Variants in UBE3B observed in about 807,000 individuals in gnomAD.
UBE3B encodes the protein ubiquitin-protein ligase E3B.
In UBE3B, 80 loss-of-function variants were observed where a neutral mutation model predicts 132.3. That is an observed-to-expected ratio of 0.60 (90% CI 0.50 to 0.73). UBE3B has a LOEUF of 0.73. Ranked by LOEUF, UBE3B falls within the 30% of genes least tolerant of loss-of-function variation. The probability of loss-of-function intolerance (pLI) is 0.00; values close to 1 mark genes in which losing one functional copy is unlikely to be tolerated. For synonymous variants in UBE3B, 487 were observed against 520.4 expected (o/e 0.94, Z 0.87); for missense variants, 1,196 against 1,362.5 (o/e 0.88, Z 1.92).
At chr12:109,516,099 G>T (rs939626369) in intron 18 of UBE3B, among the ~76,000 whole-genome samples, 1 of 150,498 alleles carries the variant, frequency 6.6e-6, no homozygotes, top group Non-Finnish European at 1.5e-5. Flanking sequence ...TCTGTAACTT[G>T]TTCTGCCACC....
chr12:109,509,851 A>G (rs1294678497), intron 16 of UBE3B, 137 bp downstream of exon 16: 2 of 606,118 alleles, frequency 3.3e-6, no homozygotes, highest in Non-Finnish European at 5.8e-6. Context: ...CACAATTGGA[A>G]ATTTTCTTTC....
downstream of UBE3B, among the ~76,000 whole-genome samples, chr12:109,541,086 C>CCT (rs750718180): frequency 2.4e-4 from 37 of 152,244 alleles, no homozygotes; most frequent in Non-Finnish European, 7.3e-5. Context: ...GGGCCTCTAG[C>CCT]CAAACCACTG....
At chr12:109,508,081 C>T (rs1196489819) in intron 15 of UBE3B, among the ~76,000 whole-genome samples, 1 of 150,914 alleles carries the variant, frequency 6.6e-6, no homozygotes, top group Non-Finnish European at 1.5e-5. Flanking sequence ...AGCCAGGGTG[C>T]AGATCCTTGC....
At chr12:109,489,025 A>G (rs928580530) in intron 7 of UBE3B, among the ~76,000 whole-genome samples, 4 of 152,178 alleles carry the variant, frequency 2.6e-5, no homozygotes, top group Non-Finnish European at 5.9e-5. Context: ...TTGCCCATAA[A>G]ATTTGCATTA....
chr12:109,530,484 G>A (rs770075084), intron 25 of UBE3B, 63 bp from the exon 26 acceptor site: 2 of 1,429,924 alleles, frequency 1.4e-6, no homozygotes, highest in Non-Finnish European at 2.0e-6. Context: ...TGCATGACCT[G>A]CCTGCCTGTC....
intron 18 of UBE3B, 63 bp from the exon 19 acceptor site, chr12:109,516,702 G>A (rs1687050857): frequency 6.3e-7 from 1 of 1,585,480 alleles, no homozygotes; most frequent in Admixed American, 1.7e-5. Flanking sequence ...TTTTTGCAGA[G>A]TGTTTTTATG....
intron 24 of UBE3B, among the ~76,000 whole-genome samples, chr12:109,529,142 C>T (rs938270527): frequency 6.6e-6 from 1 of 152,064 alleles, no homozygotes; most frequent in Non-Finnish European, 1.5e-5. Context: ...GCCTGGGTGA[C>T]GGAGTGAGAC....
In UBE3B at chr12:109,534,564, A is replaced by G. The variant is rs146327094; in HGVS notation, c.3016-27A>G. On this transcript the variant is annotated intron_variant, in intron 27 of 27. Coordinates refer to ENST00000342494, the MANE Select transcript of UBE3B (RefSeq NM_130466.4). This position sits in a 1 kb window ranked among gnomAD's most constrained non-coding sequence, Gnocchi z 5.2. Reference sequence around the variant, plus strand: ...GGGCTCCCAAACTAGGCCCTTCCCAATTCAAGGCCACGATGTGTGCCTTCA... The same window carrying G: ...GGGCTCCCAAACTAGGCCCTTCCCAGTTCAAGGCCACGATGTGTGCCTTCA... The G allele has an allele frequency of 2.2e-3, 3,456 of 1,580,888 alleles. 81 individuals carry two copies. Among genetic ancestry groups the G allele is most frequent in the East Asian group, 6.8e-4 (30 of 43,868 alleles).
At chr12:109,539,804 C>G (rs919670942), downstream of UBE3B, among the ~76,000 whole-genome samples, 5 of 152,154 alleles carry the variant, frequency 3.3e-5, no homozygotes, top group Non-Finnish European at 7.4e-5. Flanking sequence ...TGCAGGCTCC[C>G]TGTGTGCCCA....
At chr12:109,516,092 G>A (rs1042173732) in intron 18 of UBE3B, among the ~76,000 whole-genome samples, 1 of 151,256 alleles carries the variant, frequency 6.6e-6, no homozygotes, top group African/African-American at 2.4e-5. Flanking sequence ...AGAAGGCTCT[G>A]TAACTTGTTC....
intron 19 of UBE3B, among the ~76,000 whole-genome samples, chr12:109,517,607 G>A (rs905842391): frequency 6.6e-6 from 1 of 152,180 alleles, no homozygotes; most frequent in Non-Finnish European, 1.5e-5. Context: ...CTTGTATAGT[G>A]CACAGCCTAC....
intron 9 of UBE3B, 64 bp from the exon 10 acceptor site, chr12:109,497,754 G>T: frequency 3.3e-6 from 5 of 1,508,062 alleles, no homozygotes; most frequent in Non-Finnish European, 4.6e-6. Context: ...CGTTGGTGGG[G>T]TTGTGCTTTT....
intron 8 of UBE3B, chr12:109,490,504 G>A: frequency 1.3e-6 from 2 of 1,535,940 alleles, no homozygotes; most frequent in Non-Finnish European, 1.7e-6. Context: ...GTGATGGGCT[G>A]TTTCCTGATT....
intron 9 of UBE3B, among the ~76,000 whole-genome samples, chr12:109,496,124 A>T (rs1452653026): frequency 6.6e-6 from 1 of 152,034 alleles, no homozygotes; most frequent in Non-Finnish European, 1.5e-5. Flanking sequence ...ATCTCTTTGG[A>T]TTTGCCTGTT....
chr12:109,507,374 C>T (rs1037257893), intron 14 of UBE3B, among the ~76,000 whole-genome samples, 190 bp from the exon 15 acceptor site: 1 of 152,208 alleles, frequency 6.6e-6, no homozygotes, highest in Non-Finnish European at 1.5e-5. Context: ...AGTCAGCACC[C>T]ACTGACTACT....
At chr12:109,492,614 G>A (rs1877627875) in intron 9 of UBE3B, 2 of 152,092 alleles carry the variant, frequency 1.3e-5, no homozygotes, top group South Asian at 4.1e-4. Flanking sequence ...ATGGTGCCAT[G>A]TGCCTGTGGT....
chr12:109,520,865 G>T, intron 19 of UBE3B: 1 of 306,184 alleles, frequency 3.3e-6, no homozygotes, highest in Non-Finnish European at 6.1e-6. Flanking sequence ...CCAGGAGCTT[G>T]TCATGACTCA....
In UBE3B at chr12:109,490,016, C is replaced by T. The variant is rs1877167832; in HGVS notation, c.630+12C>T. ...ATTCTGTGCTGCAGGTCTGTGACTCCTGCCCCCCAGTGTGCAACTTCTCCA... is the reference window on the plus strand; with the variant it reads ...ATTCTGTGCTGCAGGTCTGTGACTCTTGCCCCCCAGTGTGCAACTTCTCCA... On this transcript the variant is annotated intron_variant, in intron 8 of 27. Transcript: ENST00000342494. 3 of 1,613,606 alleles carry T rather than the reference C, an allele frequency of 1.9e-6. No individual in the cohort carries two copies. The highest frequency in any genetic ancestry group is 1.7e-4 in the Middle Eastern group (1 of 6,060).
rs141849006 is a variant in UBE3B, at chr12:109,503,035, G to A, written c.1295G>A (p.Arg432His). ...TTCTCCATGCCAGGTCTCCTAAAGC[G>A]TGCTTTTCAAAAGTCGGCATCAGTC... ...NVLPVKSLLK[R>H]AFQKSASVRN... The change falls in exon 14 of 28, where the codon CGT becomes CAT. Residue 432 changes from arginine to histidine, a missense_variant. Physicochemically the swap from Arg to His is conservative, Grantham distance 29. Coordinates refer to ENST00000342494, the MANE Select transcript of UBE3B (RefSeq NM_130466.4). 6.4e-5 allele frequency: 103 copies of A among 1,613,960 alleles called. No individual in the cohort carries two copies. The highest frequency in any genetic ancestry group is 6.3e-5 in the Non-Finnish European group (74 of 1,180,032).
Sources: gnomAD v4.1 joint callset for allele counts (sites outside exome capture counted in the v4.1 genomes callset) on GRCh38, gnomAD v4.1.1 for gene constraint, Gnocchi (gnomAD v3.1) non-coding constraint, MANE v1.5 for transcripts, NCBI Gene and HGNC (gene_info 2026-07-23, HGNC 2026-07-21) for gene names.